FHIT: variants seen among roughly 807,000 people sequenced by gnomAD.
FHIT encodes the protein fragile histidine triad diadenosine triphosphatase.
FHIT carries 19 observed loss-of-function variants against 17.9 expected under a neutral mutation model. The ratio of observed to expected loss-of-function variants is 1.06; its 90% CI spans 0.74 to 1.56. The LOEUF (loss-of-function observed/expected upper bound fraction) is 1.56. Ranked by LOEUF, FHIT falls within the 40% of genes most tolerant of loss-of-function variation. The pLI is 0.00. For synonymous variants in FHIT, 81 were observed against 69.7 expected (o/e 1.16, Z -0.81); for missense variants, 248 against 189.2 (o/e 1.31, Z -1.82).
chr3:59,811,733 T>G lies in FHIT; in HGVS notation c.349-59412A>C, dbSNP rs572476427. Among the ~76,000 whole-genome samples, 91 of 152,306 alleles carry G rather than the reference T, an allele frequency of 6.0e-4. 6 individuals are homozygous for G. The South Asian group carries it at 0.018, about 31-fold the overall frequency. ...AGTCACTGCTGCAGAGAGAGGAATATATAAGACAGCTCTGGGTCACTAGAG... is the reference window on the plus strand; with the variant it reads ...AGTCACTGCTGCAGAGAGAGGAATAGATAAGACAGCTCTGGGTCACTAGAG... On this transcript the variant is annotated intron_variant, in intron 8 of 9. Transcript: ENST00000492590.
At chr3:60,342,978 G>C (rs1446333234) in intron 5 of FHIT, among the ~76,000 whole-genome samples, 1 of 152,118 alleles carries the variant, frequency 6.6e-6, no homozygotes, top group Non-Finnish European at 1.5e-5. Context: ...CTCACATGAA[G>C]ACAGGACTGA....
intron 3 of FHIT, among the ~76,000 whole-genome samples, chr3:60,995,402 A>G (rs1039010226): frequency 6.6e-6 from 1 of 152,190 alleles, no homozygotes; most frequent in African/African-American, 2.4e-5. Context: ...GATTTCTACC[A>G]TATGAAAGTT....
intron 5 of FHIT, among the ~76,000 whole-genome samples, chr3:60,080,176 G>C (rs934735824): frequency 3.1e-4 from 47 of 152,152 alleles, no homozygotes; most frequent in Admixed American, 2.2e-3. Context: ...TTACCTGATA[G>C]AGTACCTATC....
At chr3:60,685,323 A>G (rs1370918105) in intron 4 of FHIT, among the ~76,000 whole-genome samples, 2 of 152,166 alleles carry the variant, frequency 1.3e-5, no homozygotes, top group African/African-American at 2.4e-5. Flanking sequence ...AGGCCCAGCT[A>G]AAAAACCCTA....
chr3:60,066,630 A>ATTTTTTTTTTT lies in FHIT; in HGVS notation c.104-52489_104-52479dup, dbSNP rs71089574. ...ATAGGTTGATTTTAATCCCTGACAAATTTTTTTTTTTTTTTTTTTTTTTTT... is the reference window on the plus strand; with the variant it reads ...ATAGGTTGATTTTAATCCCTGACAAATTTTTTTTTTTTTTTTTTTTTTTTTTTTTTTTTTTT... On this transcript the variant is annotated intron_variant, in intron 5 of 9. Coordinates refer to ENST00000492590, the MANE Select transcript of FHIT (RefSeq NM_002012.4). Among the ~76,000 whole-genome samples, 67 of 51,416 alleles carry ATTTTTTTTTTT rather than the reference A, an allele frequency of 1.3e-3. 8 individuals are homozygous for ATTTTTTTTTTT. Among genetic ancestry groups the ATTTTTTTTTTT allele is most frequent in the Non-Finnish European group, 1.5e-3 (42 of 27,694 alleles). The allele number at this position is 51,416 out of a possible 152,430, so 33.7% of individuals were successfully genotyped here.
At chr3:60,270,239 C>T (rs1261727768) in intron 5 of FHIT, among the ~76,000 whole-genome samples, 4 of 152,182 alleles carry the variant, frequency 2.6e-5, no homozygotes, top group Non-Finnish European at 5.9e-5. Flanking sequence ...AGCACAGACT[C>T]CGACCACAAC....
At chr3:60,993,848 T>C (rs1232927990) in intron 3 of FHIT, among the ~76,000 whole-genome samples, 1 of 152,208 alleles carries the variant, frequency 6.6e-6, no homozygotes, top group Non-Finnish European at 1.5e-5. Context: ...AACAGGAACC[T>C]GATCCCTCTA....
At chr3:60,929,265 G>T (rs1463064722) in intron 3 of FHIT, among the ~76,000 whole-genome samples, 1 of 152,076 alleles carries the variant, frequency 6.6e-6, no homozygotes, top group African/African-American at 2.4e-5. Flanking sequence ...ATACTGAATG[G>T]GCAAAAACTG....
At chr3:60,190,026 C>G (rs1034338898) in intron 5 of FHIT, among the ~76,000 whole-genome samples, 14 of 152,290 alleles carry the variant, frequency 9.2e-5, no homozygotes, top group Non-Finnish European at 2.1e-4. Flanking sequence ...GACTTCCATT[C>G]AGCTTTGAAA....
intron 4 of FHIT, among the ~76,000 whole-genome samples, chr3:60,621,034 G>A (rs2039110496): frequency 6.6e-6 from 1 of 151,640 alleles, no homozygotes; most frequent in Non-Finnish European, 1.5e-5. Flanking sequence ...CCACTCAGAA[G>A]TATCCAGACT....
intron 5 of FHIT, among the ~76,000 whole-genome samples, chr3:60,097,771 T>A (rs945024831): frequency 4.9e-4 from 74 of 151,560 alleles, no homozygotes; most frequent in African/African-American, 1.6e-3. Context: ...TGTGCAGGTT[T>A]GTTACATATG....
chr3:60,440,531 C>G (rs1021531935), intron 5 of FHIT, among the ~76,000 whole-genome samples: 3 of 152,034 alleles, frequency 2.0e-5, no homozygotes, highest in African/African-American at 7.2e-5. Context: ...TCATTTAATT[C>G]GCTCAGCAAT....
intron 2 of FHIT, among the ~76,000 whole-genome samples, chr3:61,173,124 T>C (rs1462572381): frequency 6.6e-6 from 1 of 152,198 alleles, no homozygotes; most frequent in Non-Finnish European, 1.5e-5. Flanking sequence ...ATGTTAATAT[T>C]TTAATTTTTT....
intron 2 of FHIT, among the ~76,000 whole-genome samples, chr3:61,084,446 T>A (rs2035243903): frequency 6.6e-6 from 1 of 152,240 alleles, no homozygotes; most frequent in South Asian, 2.1e-4. Context: ...TAGAATTGCA[T>A]GAAATTTAGA....
At chr3:60,200,250 A>C (rs1056195962) in intron 5 of FHIT, among the ~76,000 whole-genome samples, 4 of 152,146 alleles carry the variant, frequency 2.6e-5, no homozygotes, top group Admixed American at 2.0e-4. Flanking sequence ...TACCAACAGG[A>C]CTGGGATAAT....
intron 5 of FHIT, among the ~76,000 whole-genome samples, chr3:60,492,658 C>T (rs2034116501): frequency 1.3e-5 from 2 of 151,994 alleles, no homozygotes; most frequent in South Asian, 4.2e-4. Context: ...AGGCGCCCAC[C>T]ATCATGCCTG....
At chr3:60,414,326 T>C (rs557501138) in intron 5 of FHIT, among the ~76,000 whole-genome samples, 2 of 152,198 alleles carry the variant, frequency 1.3e-5, no homozygotes, top group Admixed American at 6.5e-5. Context: ...CTTTGCAGAA[T>C]TACCGGACTA....
chr3:60,416,014 G>A (rs1327989587), intron 5 of FHIT, among the ~76,000 whole-genome samples: 1 of 150,648 alleles, frequency 6.6e-6, no homozygotes, highest in African/African-American at 2.4e-5. Flanking sequence ...CCACACAGTT[G>A]TTCAATACAT....
At chr3:61,059,751 C>T (rs750439642) in intron 2 of FHIT, among the ~76,000 whole-genome samples, 9 of 152,202 alleles carry the variant, frequency 5.9e-5, no homozygotes, top group South Asian at 2.1e-4. Flanking sequence ...AGGTCCTCAA[C>T]GTCGTTCTTG....
Sources: allele counts gnomAD v4.1 joint callset (sites outside exome capture counted in the v4.1 genomes callset), GRCh38; gene constraint gnomAD v4.1.1; transcripts MANE v1.5; gene names NCBI Gene and HGNC (gene_info 2026-07-23, HGNC 2026-07-21).